Variants in STC2 observed in about 807,000 individuals in gnomAD.
STC2 encodes stanniocalcin 2, also known as stanniocalcin-2.
In STC2, 7 loss-of-function variants were observed where a neutral mutation model predicts 22.7. The observed-to-expected ratio is 0.31, with a 90% CI of 0.18 to 0.58. The LOEUF (loss-of-function observed/expected upper bound fraction) is 0.58. Ranked by LOEUF, STC2 falls within the 20% of genes least tolerant of loss-of-function variation. The probability of loss-of-function intolerance (pLI) is 0.89; values close to 1 mark genes in which losing one functional copy is unlikely to be tolerated. For synonymous variants in STC2, 158 were observed against 163.4 expected, an observed-to-expected ratio of 0.97 and a Z score of 0.25; for missense variants, 336 against 406.2, an observed-to-expected ratio of 0.83 and a Z score of 1.48.
chr5:173,316,297 C>T lies in STC2; in HGVS notation c.*1550G>A, dbSNP rs749603364. 6.6e-6 allele frequency: 1 copy of T among 152,084 alleles called. No homozygotes were observed. Among genetic ancestry groups the T allele is most frequent in the Non-Finnish European group, 1.5e-5 (1 of 68,042 alleles). The allele number at this position is 152,084 out of a possible 1,614,324, so 9.4% of individuals were successfully genotyped here. ...TAGTTTCGACAGAGACCTCACGGCT[C>T]GCCAAACTGAAAGTACTGGATTCAG... On this transcript the variant is annotated 3_prime_UTR_variant, in exon 4 of 4. Transcript: ENST00000265087.
chr5:173,326,679 C>T (rs1371029907), intron 1 of STC2: 2 of 152,306 alleles, frequency 1.3e-5, no homozygotes, highest in African/African-American at 4.8e-5. Flanking sequence ...AGGTTGCAGG[C>T]TCCTTTTAAT....
chr5:173,317,815 G>T lies in STC2; in HGVS notation c.*32C>A. 1 of 1,525,834 alleles carries T rather than the reference G, an allele frequency of 6.6e-7. No homozygotes were observed. 94.5% of individuals were successfully genotyped at this position (1,525,834 alleles called of 1,614,324 possible). ...CCATAGATAAGAAAATGGACGGCGT[G>T]GAGGAAAGATTTCGTGGCCAGGCCT... On this transcript the variant is annotated 3_prime_UTR_variant, in exon 4 of 4. Transcript: ENST00000265087.
At position 173,323,549 on chromosome 5, in the gene STC2, A is replaced by G. The variant is rs1039536533; in HGVS notation, c.295-119T>C. The G allele has an allele frequency of 4.0e-6, 4 of 992,702 alleles. No homozygotes were observed. Among genetic ancestry groups the G allele is most frequent in the Non-Finnish European group, 6.0e-6 (4 of 668,894 alleles). 61.5% of individuals were successfully genotyped at this position (992,702 alleles called of 1,614,324 possible). On this transcript the variant is annotated intron_variant, in intron 2 of 3. Transcript: ENST00000265087. This position sits in a 1 kb window ranked among gnomAD's most constrained non-coding sequence, Gnocchi z 5.4. Reference sequence around the variant, plus strand: ...AGGATATTTCTGACATCAGAACCCCAAGGCCCCACCAGAGACGGACGTCCT... The same window carrying G: ...AGGATATTTCTGACATCAGAACCCCGAGGCCCCACCAGAGACGGACGTCCT...
At position 173,316,843 on chromosome 5, in the gene STC2, A is replaced by C. The variant is rs1158907968; in HGVS notation, c.*1004T>G. 1 of 152,186 alleles carries C rather than the reference A, an allele frequency of 6.6e-6. No individual in the cohort carries two copies. Among genetic ancestry groups the C allele is most frequent in the Non-Finnish European group, 1.5e-5 (1 of 68,026 alleles). The allele number at this position is 152,186 out of a possible 1,614,324, so 9.4% of individuals were successfully genotyped here. A position where few individuals can be genotyped will look rare whatever the true frequency, so the allele number is the denominator to read the frequency against. ...GGTCAAGGTGAGATAACGAAATCCT[A>C]AGGGAAATTTGTCAAATGTACTCCC... On this transcript the variant is annotated 3_prime_UTR_variant, in exon 4 of 4. Transcript: ENST00000265087.
Position 173,317,796 on chromosome 5 carries a change from A to G in STC2, c.*51T>C, listed in dbSNP as rs1762439185. The G allele has an allele frequency of 2.6e-6, 4 of 1,513,052 alleles. No individual in the cohort carries two copies. The highest frequency in any genetic ancestry group is 3.5e-6 in the Non-Finnish European group (4 of 1,128,408). 93.7% of individuals were successfully genotyped at this position (1,513,052 alleles called of 1,614,324 possible). The stretch of plus-strand genomic sequence containing the variant: ...GGTAAATGTTTTGGAATGTCCATAG[A>G]TAAGAAAATGGACGGCGTGGAGGAA... On this transcript the variant is annotated 3_prime_UTR_variant, in exon 4 of 4. Coordinates refer to ENST00000265087, the MANE Select transcript of STC2 (RefSeq NM_003714.3).
rs549866127 is a variant in STC2, at chr5:173,317,712, A to T, written c.*135T>A. 61 of 1,243,088 alleles carry T rather than the reference A, an allele frequency of 4.9e-5. No individual in the cohort carries two copies. The highest frequency in any genetic ancestry group is 1.9e-4 in the Admixed American group (8 of 41,526). 77.0% of individuals were successfully genotyped at this position (1,243,088 alleles called of 1,614,324 possible). The stretch of plus-strand genomic sequence containing the variant: ...TCACCTGTCCGTTCCGCGAACACAC[A>T]CCTCGATGAAGTCCACAGTCCCCAC... On this transcript the variant is annotated 3_prime_UTR_variant, in exon 4 of 4. Transcript: ENST00000265087.
At chr5:173,320,229 G>GTCTC (rs3839258) in intron 3 of STC2, among the ~76,000 whole-genome samples, 52,293 of 151,824 alleles carry the variant, frequency 0.34, 10,419 homozygotes, top group African/African-American at 0.55. Flanking sequence ...TATGCAGACT[G>GTCTC]TCTTTCGCCT....
In STC2 at chr5:173,325,949, G is replaced by A. The variant is rs147198518; in HGVS notation, c.213C>T (p.Phe71=). 2.6e-5 allele frequency: 42 copies of A among 1,613,982 alleles called. No homozygotes were observed. Among genetic ancestry groups the A allele is most frequent in the Non-Finnish European group, 3.6e-5 (42 of 1,180,040 alleles). ...GDVGCGVFEC[F]ENNSCEIRGL... is the part of the protein sequence containing the mutation. ...CCCGAATCTCACAAGAGTTGTTCTC[G>A]AAACATTCAAACACGCCACACCCCA... The change falls in exon 2 of 4, where the codon TTC becomes TTT. Residue 71 remains phenylalanine (F), a synonymous_variant. Transcript: ENST00000265087. This position sits in a 1 kb window ranked among gnomAD's most constrained non-coding sequence, Gnocchi z 4.7.
rs557982412 is a variant in STC2, at chr5:173,322,126, T to C, written c.506+1093A>G. ...TGGTAGGGACATAACTGGAAGAAGG[T>C]TGTGGCACAAACTGAGGATCAAGAG... On this transcript the variant is annotated intron_variant, in intron 3 of 3. Transcript: ENST00000265087. Among the ~76,000 whole-genome samples, 3 of 152,246 alleles carry C rather than the reference T, an allele frequency of 2.0e-5. No homozygotes were observed. The East Asian group carries it at 5.8e-4, about 29-fold the overall frequency.
intron 2 of STC2, chr5:173,324,362 T>A (rs78091345): frequency 6.6e-6 from 1 of 152,232 alleles, no homozygotes; most frequent in Non-Finnish European, 1.5e-5. Context: ...CTATAGAAAC[T>A]AGCTGTCGTC....
chr5:173,323,020 G>A lies in STC2; in HGVS notation c.506+199C>T, dbSNP rs1762504232. On this transcript the variant is annotated intron_variant, in intron 3 of 3. Coordinates refer to ENST00000265087, the MANE Select transcript of STC2 (RefSeq NM_003714.3). This position sits in a 1 kb window ranked among gnomAD's most constrained non-coding sequence, Gnocchi z 5.4. ...TGTTGCTTGTGATTTTGAGACTGAT[G>A]AGGGAATTCTCTCTTTTCCTAAAAG... 1 of 596,010 alleles carries A rather than the reference G, an allele frequency of 1.7e-6. No individual in the cohort carries two copies. Among genetic ancestry groups the A allele is most frequent in the Non-Finnish European group, 3.0e-6 (1 of 331,974 alleles). 36.9% of individuals were successfully genotyped at this position (596,010 alleles called of 1,614,324 possible).
Position 173,315,500 on chromosome 5 carries a change from ATACAAATGACAAATATT to A in STC2, c.*2330_*2346del, listed in dbSNP as rs1484584384. ...TAGGGGGAAAACACAGAGATAATAAATACAAATGACAAATATTTACAATAGAAGCAACGAATGGGATC... is the reference window on the plus strand; with the variant it reads ...TAGGGGGAAAACACAGAGATAATAAATACAATAGAAGCAACGAATGGGATC... On this transcript the variant is annotated 3_prime_UTR_variant, in exon 4 of 4. Coordinates refer to ENST00000265087, the MANE Select transcript of STC2 (RefSeq NM_003714.3). 6.6e-6 allele frequency: 1 copy of A among 152,236 alleles called. No individual in the cohort carries two copies. Among genetic ancestry groups the A allele is most frequent in the African/African-American group, 2.4e-5 (1 of 41,464 alleles). The allele number at this position is 152,236 out of a possible 1,614,324, so 9.4% of individuals were successfully genotyped here.
intron 3 of STC2, among the ~76,000 whole-genome samples, chr5:173,321,840 CATT>C (rs5873361): frequency 0.44 from 67,335 of 151,860 alleles, 16,291 homozygotes; most frequent in Admixed American, 0.58. Flanking sequence ...AGACAGCTAT[CATT>C]GTTGTTGATG....
intron 3 of STC2, among the ~76,000 whole-genome samples, chr5:173,319,758 C>T (rs1048017344): frequency 7.9e-5 from 12 of 152,208 alleles, no homozygotes; most frequent in African/African-American, 2.7e-4. Context: ...CAGGGCTTGG[C>T]TGAGAGCAGA....
chr5:173,321,438 C>T (rs1349486464), intron 3 of STC2, among the ~76,000 whole-genome samples: 1 of 152,138 alleles, frequency 6.6e-6, no homozygotes, highest in Non-Finnish European at 1.5e-5. Flanking sequence ...AGCCATGGGG[C>T]ATTTTTCTCT....
Position 173,325,303 on chromosome 5 carries a change from G to A in STC2, c.294+565C>T, listed in dbSNP as rs1179576917. Among the ~76,000 whole-genome samples the A allele has an allele frequency of 6.6e-5, 10 of 152,182 alleles. No individual in the cohort carries two copies. Among genetic ancestry groups the A allele is most frequent in the East Asian group, 1.9e-4 (1 of 5,186 alleles). ...TTCCCCTTGGGACCCTGGGATAACC[G>A]AAGTGGGTCAGGCCCTGACTATATT... On this transcript the variant is annotated intron_variant, in intron 2 of 3. Coordinates refer to ENST00000265087, the MANE Select transcript of STC2 (RefSeq NM_003714.3). This position sits in a 1 kb window ranked among gnomAD's most constrained non-coding sequence, Gnocchi z 4.7.
At chr5:173,326,967 A>T (rs1426928038) in intron 1 of STC2, among the ~76,000 whole-genome samples, 1 of 148,730 alleles carries the variant, frequency 6.7e-6, no homozygotes, top group African/African-American at 2.5e-5. Flanking sequence ...TAGCCAGAGA[A>T]TGAGGGGCGT....
intron 1 of STC2, among the ~76,000 whole-genome samples, chr5:173,326,396 A>G (rs1762546916): frequency 6.6e-6 from 1 of 152,232 alleles, no homozygotes; most frequent in Admixed American, 6.5e-5. Flanking sequence ...CGAAGACTGT[A>G]CTTCATCAAT....
intron 3 of STC2, among the ~76,000 whole-genome samples, chr5:173,322,121 G>A (rs1209089888): frequency 2.0e-5 from 3 of 152,198 alleles, no homozygotes; most frequent in Non-Finnish European, 2.9e-5. Context: ...ATAACTGGAA[G>A]AAGGTTGTGG....
Sources: gnomAD v4.1 joint callset for allele counts (sites outside exome capture counted in the v4.1 genomes callset) on GRCh38, gnomAD v4.1.1 for gene constraint, Gnocchi (gnomAD v3.1) non-coding constraint, MANE v1.5 for transcripts, NCBI Gene and HGNC (gene_info 2026-07-23, HGNC 2026-07-21) for gene names.